The following TRPM7 variants were observed in gnomAD, a reference collection of about 807,000 sequenced individuals.
TRPM7 encodes transient receptor potential cation channel subfamily M member 7.
Under a neutral mutation model 229.7 loss-of-function variants are expected in TRPM7, and 134 were observed. The observed-to-expected ratio is 0.58, with a 90% CI of 0.51 to 0.67. TRPM7 has a LOEUF of 0.67. TRPM7 is among the 30% of genes least tolerant of loss of function. TRPM7 has a pLI of 0.00. For missense variants in TRPM7, 1,901 were observed against 2,210.0 expected (o/e 0.86, Z 2.80); for synonymous variants, 699 against 715.2 (o/e 0.98, Z 0.36).
chr15:50,608,085 A>G (rs62017170), intron 19 of TRPM7, among the ~76,000 whole-genome samples: 21,221 of 150,046 alleles, frequency 0.14, 2,085 homozygotes, highest in Admixed American at 0.27. Flanking sequence ...GAAAGAAAGA[A>G]AAGAAAAGAA....
intron 38 of TRPM7, among the ~76,000 whole-genome samples, chr15:50,563,590 T>C (rs2053428256): frequency 6.6e-6 from 1 of 152,282 alleles, no homozygotes; most frequent in East Asian, 1.9e-4. Context: ...AAGAATTGGA[T>C]AGTTTTAGGT....
intron 30 of TRPM7, 96 bp from the exon 31 acceptor site, chr15:50,578,760 A>T: frequency 1.2e-6 from 1 of 806,610 alleles, no homozygotes; most frequent in Non-Finnish European, 1.7e-6. Context: ...TTATATAAAA[A>T]ATATTATTAA....
At position 50,604,945 on chromosome 15, in the gene TRPM7, A is replaced by G; in HGVS notation, c.2909T>C (p.Ile970Thr). 1 of 1,613,822 alleles carries G rather than the reference A, an allele frequency of 6.2e-7. No homozygotes were observed. The highest frequency in any genetic ancestry group is 8.5e-7 in the Non-Finnish European group (1 of 1,179,844). Reference protein sequence around the residue: ...AGRLIYCLNIIFWYVRLLDFL... With the variant: ...AGRLIYCLNITFWYVRLLDFL... ...ATCTAGCAAACGCACATACCAAAAT[A>G]TTATGTTAAGACAGTAAATTAATCT... The change falls in exon 21 of 39, where the codon ATA becomes ACA. Residue 970 changes from isoleucine (I) to threonine (T), a missense_variant. By Grantham distance (89) the Ile-to-Thr change is moderately conservative. Coordinates refer to ENST00000646667, the MANE Select transcript of TRPM7 (RefSeq NM_017672.6).
At chr15:50,605,402 T>C (rs564437117) in intron 20 of TRPM7, among the ~76,000 whole-genome samples, 3 of 152,330 alleles carry the variant, frequency 2.0e-5, no homozygotes, top group African/African-American at 7.2e-5. Context: ...CCCAGTTCTC[T>C]AGACCTGGAT....
At position 50,634,372 on chromosome 15, in the gene TRPM7, A is replaced by G; in HGVS notation, c.1007+10T>C. On this transcript the variant is annotated intron_variant, in intron 8 of 38. Coordinates refer to ENST00000646667, the MANE Select transcript of TRPM7 (RefSeq NM_017672.6). ...AAATAAAATTAATTAAAATGTTGTC[A>G]TACACTTACCCTCCTTCTTCTGTTT... The G allele has an allele frequency of 6.6e-7, 1 of 1,524,028 alleles. No homozygotes were observed. The highest frequency in any genetic ancestry group is 2.6e-5 in the East Asian group (1 of 39,070). The allele number at this position is 1,524,028 out of a possible 1,614,324, so 94.4% of individuals were successfully genotyped here.
chr15:50,667,207 C>T (rs1012425309), intron 1 of TRPM7, among the ~76,000 whole-genome samples: 2 of 152,112 alleles, frequency 1.3e-5, no homozygotes, highest in African/African-American at 2.4e-5. Context: ...ATGCTCTTGG[C>T]CCCCTAGAAG....
intron 36 of TRPM7, among the ~76,000 whole-genome samples, chr15:50,572,414 T>C (rs1027210439): frequency 3.3e-5 from 5 of 152,258 alleles, no homozygotes; most frequent in African/African-American, 4.8e-5. Flanking sequence ...GATGAAGGCT[T>C]AGATAATTCT....
chr15:50,582,541 C>G (rs1260160091), intron 29 of TRPM7: 3 of 152,170 alleles, frequency 2.0e-5, no homozygotes, highest in Non-Finnish European at 4.4e-5. Flanking sequence ...CAGGAAGAGT[C>G]CCTCCAGAAA....
chr15:50,609,194 C>A (rs537105957), intron 19 of TRPM7, among the ~76,000 whole-genome samples: 133 of 152,270 alleles, frequency 8.7e-4, no homozygotes, highest in Non-Finnish European at 1.6e-3. Context: ...ATTAACACTG[C>A]AAACAGGTTT....
In TRPM7 at chr15:50,650,795, C is replaced by G. The variant is rs186940344; in HGVS notation, c.123-1910G>C. ...AAGGATCAAACTGATCCAAAGTAATCTAATTGCATGCTATAGCAAGTCTAA... is the reference window on the plus strand; with the variant it reads ...AAGGATCAAACTGATCCAAAGTAATGTAATTGCATGCTATAGCAAGTCTAA... On this transcript the variant is annotated intron_variant, in intron 3 of 38. Transcript: ENST00000646667. 1.1e-4 allele frequency among the ~76,000 whole-genome samples: 17 copies of G among 152,294 alleles called. No individual in the cohort carries two copies. The East Asian group carries it at 3.3e-3, about 29-fold the overall frequency.
intron 1 of TRPM7, among the ~76,000 whole-genome samples, chr15:50,681,970 G>C (rs1487852188): frequency 6.6e-6 from 1 of 152,056 alleles, no homozygotes; most frequent in African/African-American, 2.4e-5. Context: ...TTGAGGTCAG[G>C]AGTTCAAGAC....
chr15:50,568,583 T>C (rs1238664638), intron 38 of TRPM7, among the ~76,000 whole-genome samples: 1 of 152,150 alleles, frequency 6.6e-6, no homozygotes, highest in African/African-American at 2.4e-5. Flanking sequence ...CCTCAAAAAC[T>C]CCTTGGTGAT....
In TRPM7 at chr15:50,583,057, AAT is replaced by A. The variant is rs2054499575; in HGVS notation, c.4557+30_4557+31del. 4 of 1,431,334 alleles carry A rather than the reference AAT, an allele frequency of 2.8e-6. No individual in the cohort carries two copies. The East Asian group carries it at 9.6e-5, about 34-fold the overall frequency. The allele number at this position is 1,431,334 out of a possible 1,614,324, so 88.7% of individuals were successfully genotyped here. A position where few individuals can be genotyped will look rare whatever the true frequency, so the allele number is the denominator to read the frequency against. The stretch of plus-strand genomic sequence containing the variant: ...TCTAAAAAAGTTTAATGTATTTAAT[AAT>A]ATATATCTGTTTAGTTGAAATCTAC... On this transcript the variant is annotated intron_variant, in intron 29 of 38. Transcript: ENST00000646667.
At position 50,575,629 on chromosome 15, in the gene TRPM7, C is replaced by T. The variant is rs1407304675; in HGVS notation, c.4735+95G>A. The T allele has an allele frequency of 1.1e-5, 11 of 1,042,994 alleles. No homozygotes were observed. The Admixed American group carries it at 2.9e-4, about 27-fold the overall frequency. 64.6% of individuals were successfully genotyped at this position (1,042,994 alleles called of 1,614,324 possible). ...ATCAAGAATTTATTTGAAATTGATA[C>T]TTCTTAATGTAATCCCACCCACATT... On this transcript the variant is annotated intron_variant, in intron 33 of 38. Transcript: ENST00000646667.
At position 50,679,116 on chromosome 15, in the gene TRPM7, C is replaced by T. The variant is rs919050983; in HGVS notation, c.3+7415G>A. 3.3e-4 allele frequency among the ~76,000 whole-genome samples: 46 copies of T among 139,478 alleles called. 3 individuals carry two copies. The highest frequency in any genetic ancestry group is 1.7e-3 in the Admixed American group (24 of 13,900). The allele number at this position is 139,478 out of a possible 152,430, so 91.5% of individuals were successfully genotyped here. On this transcript the variant is annotated intron_variant, in intron 1 of 38. Coordinates refer to ENST00000646667, the MANE Select transcript of TRPM7 (RefSeq NM_017672.6). ...CTCGATCTCTTGACCTGGTGATCCA[C>T]CCGCCTCAGCCTTCCAAAGTGCTGG...
chr15:50,605,281 C>T (rs966021259), intron 20 of TRPM7, 137 bp from the exon 21 acceptor site: 16 of 796,166 alleles, frequency 2.0e-5, no homozygotes, highest in African/African-American at 1.2e-4. Context: ...GACAGAGTCT[C>T]GCTCTATTGC....
chr15:50,672,898 CAAAAAAAAA>C (rs35153596), intron 1 of TRPM7, among the ~76,000 whole-genome samples: 8 of 26,218 alleles, frequency 3.1e-4, no homozygotes, highest in South Asian at 2.1e-3. Context: ...GACTCTGTCT[CAAAAAAAAA>C]AAAAAAAAAA....
intron 36 of TRPM7, among the ~76,000 whole-genome samples, chr15:50,571,189 C>T (rs2053868212): frequency 6.6e-6 from 1 of 152,136 alleles, no homozygotes; most frequent in Non-Finnish European, 1.5e-5. Flanking sequence ...AAACACGATA[C>T]TATTTTCCAT....
At chr15:50,621,446 T>C (rs2060404319) in intron 12 of TRPM7, among the ~76,000 whole-genome samples, 1 of 152,200 alleles carries the variant, frequency 6.6e-6, no homozygotes, top group Non-Finnish European at 1.5e-5. Flanking sequence ...TAAATGTACT[T>C]TAACACAGTA....
Sources: gnomAD v4.1 joint callset for allele counts (sites outside exome capture counted in the v4.1 genomes callset) on GRCh38, gnomAD v4.1.1 for gene constraint, MANE v1.5 for transcripts, NCBI Gene and HGNC (gene_info 2026-07-23, HGNC 2026-07-21) for gene names.